SLFN11: variants seen among roughly 807,000 people sequenced by gnomAD.
SLFN11 encodes the protein schlafen family member 11.
In SLFN11, 43 loss-of-function variants were observed where a neutral mutation model predicts 53.4. That is an observed-to-expected ratio of 0.80 (90% CI 0.63 to 1.04). The LOEUF is 1.04. Among genes scored for constraint, SLFN11 ranks in the 50% least tolerant of loss-of-function variants. SLFN11 has a pLI of 0.00. For synonymous variants in SLFN11, 389 were observed against 394.7 expected, an observed-to-expected ratio of 0.99 and a Z score of 0.17; for missense variants, 990 against 1,079.1, an observed-to-expected ratio of 0.92 and a Z score of 1.16.
At chr17:35,365,826 T>C (rs1908888409) in intron 3 of SLFN11, among the ~76,000 whole-genome samples, 1 of 152,096 alleles carries the variant, frequency 6.6e-6, no homozygotes, top group African/African-American at 2.4e-5. Context: ...ATTAAAATAT[T>C]TTAAAAACTG....
Position 35,351,926 on chromosome 17 carries a change from T to C in SLFN11, c.*430A>G, listed in dbSNP as rs1294077866. 1.2e-5 allele frequency: 2 copies of C among 172,976 alleles called. No homozygotes were observed. Among genetic ancestry groups the C allele is most frequent in the Admixed American group, 5.6e-5 (1 of 17,934 alleles). The allele number at this position is 172,976 out of a possible 1,614,324, so 10.7% of individuals were successfully genotyped here. ...ATTGCTTCTGCTACGGCCAGTAAGCTCCTAACAGACCATGCTTCTGCAGAA... is the reference window on the plus strand; with the variant it reads ...ATTGCTTCTGCTACGGCCAGTAAGCCCCTAACAGACCATGCTTCTGCAGAA... On this transcript the variant is annotated 3_prime_UTR_variant, in exon 7 of 7. Transcript: ENST00000685675.
In SLFN11 at chr17:35,363,623, C is replaced by A; in HGVS notation, c.185G>T (p.Arg62Leu). ...ALLNSGGGVI[R>L]MAKKVEHPVE... ...GGGATGCTCAACCTTCTTGGCCATTCGAATCACTCCTCCTCCTGAGTTTAA... is the reference window on the plus strand; with the variant it reads ...GGGATGCTCAACCTTCTTGGCCATTAGAATCACTCCTCCTCCTGAGTTTAA... The change falls in exon 4 of 7, where the codon CGA becomes CTA. Residue 62 changes from arginine to leucine, a missense_variant. By Grantham distance (102) the Arg-to-Leu change is moderately radical. Coordinates refer to ENST00000685675, the MANE Select transcript of SLFN11 (RefSeq NM_001376007.1). 2.5e-6 allele frequency: 4 copies of A among 1,613,724 alleles called. No individual in the cohort carries two copies. The highest frequency in any genetic ancestry group is 3.4e-6 in the Non-Finnish European group (4 of 1,179,854).
Position 35,351,447 on chromosome 17 carries a change from A to C in SLFN11, c.*909T>G, listed in dbSNP as rs1339704422. On this transcript the variant is annotated 3_prime_UTR_variant, in exon 7 of 7. Transcript: ENST00000685675. ...AACCATGAAAGTAAATAGAAAAAAA[A>C]TCACAGTTCAAGAATAACATAAAAC... The C allele has an allele frequency of 6.6e-6, 1 of 152,226 alleles. No individual in the cohort carries two copies. The highest frequency in any genetic ancestry group is 2.4e-5 in the African/African-American group (1 of 41,454). 9.4% of individuals were successfully genotyped at this position (152,226 alleles called of 1,614,324 possible).
intron 3 of SLFN11, among the ~76,000 whole-genome samples, chr17:35,365,324 C>T (rs1252298153): frequency 6.6e-6 from 1 of 152,176 alleles, no homozygotes; most frequent in Non-Finnish European, 1.5e-5. Context: ...TGGGGTCTCA[C>T]TCTGTCATCC....
rs372989047 is a variant in SLFN11, at chr17:35,363,417, A to T, written c.391T>A (p.Ser131Thr). The T allele has an allele frequency of 3.7e-6, 6 of 1,613,828 alleles. No homozygotes were observed. The highest frequency in any genetic ancestry group is 8.5e-7 in the Non-Finnish European group (1 of 1,179,974). ...GAGGTCTCAGATCTACGGTATAATG[A>T]AGAACTGAGGCTGCAAAGGCGGGGC... is the stretch of plus-strand genomic sequence containing the variant. ...VKPRLCSLSS[S>T]LYRRSETSVR... is the part of the protein sequence containing the mutation. Residue 131 changes from serine to threonine, a missense_variant, in exon 4 of 7, where the codon TCA (serine) becomes ACA (threonine). By Grantham distance (58) the Ser-to-Thr change is moderately conservative (BLOSUM62 1). Transcript: ENST00000685675.
At position 35,363,690 on chromosome 17, in the gene SLFN11, C is replaced by G. The variant is rs1908574159; in HGVS notation, c.118G>C (p.Asp40His). 1 of 1,613,784 alleles carries G rather than the reference C, an allele frequency of 6.2e-7. No individual in the cohort carries two copies. Among genetic ancestry groups the G allele is most frequent in the Non-Finnish European group, 8.5e-7 (1 of 1,179,988 alleles). ...NRKKLQKIQR[D>H]QEKERVMRAA... ...CGCATAACTCTCTCCTTCTCTTGGT[C>G]TCTCTGAATTTTCTGCAGCTTTTTT... Residue 40 changes from aspartate to histidine, a missense_variant, in exon 4 of 7, where the codon GAC becomes CAC. Coordinates refer to ENST00000685675, the MANE Select transcript of SLFN11 (RefSeq NM_001376007.1).
Position 35,370,773 on chromosome 17 carries a change from T to G in SLFN11, c.-235+2701A>C, listed in dbSNP as rs556882111. On this transcript the variant is annotated intron_variant, in intron 1 of 6. Transcript: ENST00000685675. ...AGGAATTAACCAAATAAATGAAAGA[T>G]CTCTACAATAAAAACTATAAAATCA... is the stretch of plus-strand genomic sequence containing the variant. 5.2e-4 allele frequency among the ~76,000 whole-genome samples: 79 copies of G among 151,662 alleles called. 1 individual carries two copies. The highest frequency in any genetic ancestry group is 1.9e-3 in the African/African-American group (79 of 41,362).
intron 4 of SLFN11, among the ~76,000 whole-genome samples, chr17:35,360,751 C>G (rs946084340): frequency 1.3e-5 from 2 of 152,124 alleles, no homozygotes; most frequent in Admixed American, 6.5e-5. Flanking sequence ...GAACCCAACT[C>G]TCAACTCTGT....
chr17:35,372,202 A>C (rs1909763326), intron 1 of SLFN11, among the ~76,000 whole-genome samples: 1 of 152,168 alleles, frequency 6.6e-6, no homozygotes, highest in African/African-American at 2.4e-5. Flanking sequence ...TCATTACGTT[A>C]AATGAAATAA....
chr17:35,362,974 T>C lies in SLFN11; in HGVS notation c.834A>G (p.Ile278Met). The part of the protein sequence containing the change: ...DSLRRKIEQA[I>M]YKLPCVHFCQ... Reference sequence around the variant, plus strand: ...AAAAATGAACACAAGGTAGTTTGTATATGGCTTGTTCTATTTTCCTTCTCA... The same window carrying C: ...AAAAATGAACACAAGGTAGTTTGTACATGGCTTGTTCTATTTTCCTTCTCA... Residue 278 changes from isoleucine to methionine, a missense_variant, in exon 4 of 7, where the codon ATA becomes ATG. Transcript: ENST00000685675. The C allele has an allele frequency of 6.2e-7, 1 of 1,613,980 alleles. No homozygotes were observed. The highest frequency in any genetic ancestry group is 8.5e-7 in the Non-Finnish European group (1 of 1,179,956).
At chr17:35,367,575 G>C (rs1488672386) in intron 2 of SLFN11, 28 bp downstream of exon 2, 2 of 152,178 alleles carry the variant, frequency 1.3e-5, no homozygotes, top group African/African-American at 4.8e-5. Flanking sequence ...CCTGATTCTA[G>C]TCAGTTTACA....
chr17:35,371,292 C>G (rs1391348655), intron 1 of SLFN11, among the ~76,000 whole-genome samples: 1 of 152,064 alleles, frequency 6.6e-6, no homozygotes, highest in East Asian at 1.9e-4. Context: ...AACTAGACTC[C>G]TAACTCTTGT....
intron 1 of SLFN11, among the ~76,000 whole-genome samples, chr17:35,369,340 C>T (rs768818969): frequency 3.9e-4 from 60 of 152,172 alleles, no homozygotes; most frequent in Non-Finnish European, 7.8e-4. Context: ...CCTGTGAACC[C>T]GTGGTTGTGT....
At chr17:35,354,683 T>C (rs1474776933) in intron 5 of SLFN11, among the ~76,000 whole-genome samples, 1 of 152,142 alleles carries the variant, frequency 6.6e-6, no homozygotes, top group Non-Finnish European at 1.5e-5. Context: ...ACAAAAGTCT[T>C]CCCTGTGTCA....
At chr17:35,369,941 A>C (rs1460261604) in intron 1 of SLFN11, among the ~76,000 whole-genome samples, 1 of 152,134 alleles carries the variant, frequency 6.6e-6, no homozygotes, top group African/African-American at 2.4e-5. Context: ...ACAGTTAAAG[A>C]AGAACTAATA....
At chr17:35,372,021 CTA>C (rs1230432587) in intron 1 of SLFN11, among the ~76,000 whole-genome samples, 19 of 152,238 alleles carry the variant, frequency 1.2e-4, no homozygotes, top group Admixed American at 3.3e-4. Context: ...ATCTGCACTC[CTA>C]TGTTTCCTGC....
chr17:35,353,205 C>T, intron 6 of SLFN11, 66 bp from the exon 7 acceptor site: 1 of 1,590,708 alleles, frequency 6.3e-7, no homozygotes, highest in Non-Finnish European at 8.6e-7. Flanking sequence ...ATAATTGTAT[C>T]ATGTTCCTCC....
intron 1 of SLFN11, among the ~76,000 whole-genome samples, chr17:35,373,174 C>A (rs1489021565): frequency 2.6e-5 from 4 of 152,058 alleles, no homozygotes; most frequent in Non-Finnish European, 4.4e-5. Flanking sequence ...CCCGCAGAAA[C>A]CGCGGCTGGC....
At chr17:35,359,353 T>C (rs965739312) in intron 5 of SLFN11, among the ~76,000 whole-genome samples, 5 of 152,132 alleles carry the variant, frequency 3.3e-5, no homozygotes, top group Non-Finnish European at 7.4e-5. Context: ...TGCAAGGACC[T>C]TGGATAAAGG....
Sources: allele counts gnomAD v4.1 joint callset (sites outside exome capture counted in the v4.1 genomes callset), GRCh38; gene constraint gnomAD v4.1.1; transcripts MANE v1.5; gene names NCBI Gene and HGNC (gene_info 2026-07-23, HGNC 2026-07-21).